The following RGS7 variants were observed in gnomAD, a reference collection of about 807,000 sequenced individuals.
RGS7 encodes the protein regulator of G protein signaling 7, also known as regulator of G-protein signaling 7.
In RGS7, 27 loss-of-function variants were observed where a neutral mutation model predicts 81.1. That is an observed-to-expected ratio of 0.33 (90% CI 0.25 to 0.46). The LOEUF (loss-of-function observed/expected upper bound fraction) is 0.46. Among genes scored for constraint, RGS7 ranks in the 20% least tolerant of loss-of-function variants. The pLI is 1.00. For missense variants in RGS7, 396 were observed against 607.4 expected, an observed-to-expected ratio of 0.65 and a Z score of 3.66; for synonymous variants, 208 against 207.7, an observed-to-expected ratio of 1.00 and a Z score of -0.01.
At chr1:240,888,302 A>T (rs1667714356) in intron 6 of RGS7, among the ~76,000 whole-genome samples, 1 of 152,202 alleles carries the variant, frequency 6.6e-6, no homozygotes, top group African/African-American at 2.4e-5. Flanking sequence ...AATTTCAAGA[A>T]TCCTAAAACA....
intron 4 of RGS7, among the ~76,000 whole-genome samples, chr1:240,940,106 A>G (rs1182915285): frequency 6.6e-6 from 1 of 152,032 alleles, no homozygotes. Context: ...TTAAATTAAG[A>G]AATAAACTTA....
chr1:241,208,918 T>C (rs1175518174), intron 2 of RGS7, among the ~76,000 whole-genome samples: 2 of 152,166 alleles, frequency 1.3e-5, no homozygotes, highest in Non-Finnish European at 2.9e-5. Context: ...ACAGCTTACC[T>C]AAGAGATGTC....
At chr1:240,869,913 C>T (rs1664174977) in intron 7 of RGS7, 142 bp downstream of exon 7, 12 of 791,018 alleles carry the variant, frequency 1.5e-5, no homozygotes, top group South Asian at 1.1e-4. Context: ...GCACTCTAGC[C>T]TGGGTGACAA....
chr1:240,850,177 T>C (rs1314329860), intron 9 of RGS7, among the ~76,000 whole-genome samples: 1 of 152,230 alleles, frequency 6.6e-6, no homozygotes, highest in African/African-American at 2.4e-5. Context: ...ACAAATATTG[T>C]GGGTTTTTGT....
intron 2 of RGS7, among the ~76,000 whole-genome samples, chr1:241,202,836 T>C (rs1573108224): frequency 6.6e-6 from 1 of 152,204 alleles, no homozygotes; most frequent in Non-Finnish European, 1.5e-5. Flanking sequence ...CTGGCTTCTA[T>C]GACCCGCCTT....
At chr1:241,080,497 T>C (rs2063072108) in intron 3 of RGS7, among the ~76,000 whole-genome samples, 1 of 152,162 alleles carries the variant, frequency 6.6e-6, no homozygotes, top group Non-Finnish European at 1.5e-5. Context: ...CGTAAGAAAA[T>C]GTCTAAATCT....
chr1:241,302,997 A>C lies in RGS7; in HGVS notation c.78+52702T>G, dbSNP rs150165584. ...TGCCACTCTTCCCACTCACGGACCC[A>C]TGACTTCATGAACGTGGCTTGAAAT... is the stretch of plus-strand genomic sequence containing the variant. On this transcript the variant is annotated intron_variant, in intron 2 of 18. Coordinates refer to ENST00000440928, the MANE Select transcript of RGS7 (RefSeq NM_001364886.1). Among the ~76,000 whole-genome samples, 64 of 146,416 alleles carry C rather than the reference A, an allele frequency of 4.4e-4. No individual in the cohort carries two copies. The East Asian group carries it at 0.012, about 27-fold the overall frequency.
intron 2 of RGS7, among the ~76,000 whole-genome samples, chr1:241,197,823 T>C (rs923695944): frequency 9.2e-6 from 1 of 108,270 alleles, no homozygotes; most frequent in Non-Finnish European, 2.0e-5. Context: ...AGTAAAGAGA[T>C]AAAAGACCAA....
chr1:241,262,645 T>G (rs1164180365), intron 2 of RGS7, among the ~76,000 whole-genome samples: 8 of 152,172 alleles, frequency 5.3e-5, no homozygotes, highest in Non-Finnish European at 1.2e-4. Flanking sequence ...AATTATAAAA[T>G]CGCAGAGTTT....
chr1:240,948,311 T>G (rs192541935), intron 4 of RGS7, among the ~76,000 whole-genome samples: 2 of 152,290 alleles, frequency 1.3e-5, no homozygotes, highest in East Asian at 1.9e-4. Flanking sequence ...ACTTAATTTC[T>G]GAGATATTGC....
At chr1:241,281,342 G>A (rs2078500712) in intron 2 of RGS7, among the ~76,000 whole-genome samples, 1 of 152,200 alleles carries the variant, frequency 6.6e-6, no homozygotes, top group Admixed American at 6.5e-5. Flanking sequence ...CTATTGTGGT[G>A]AGCTCAAGTG....
intron 18 of RGS7, among the ~76,000 whole-genome samples, chr1:240,782,839 G>A (rs983602742): frequency 5.9e-5 from 9 of 152,130 alleles, no homozygotes; most frequent in African/African-American, 9.7e-5. Flanking sequence ...AATTCTATGC[G>A]AATAATACTT....
At chr1:241,034,292 T>C (rs900104792) in intron 3 of RGS7, among the ~76,000 whole-genome samples, 5 of 152,362 alleles carry the variant, frequency 3.3e-5, no homozygotes, top group Non-Finnish European at 7.3e-5. Flanking sequence ...ACGCTTATAT[T>C]TTCCCAAATG....
intron 2 of RGS7, among the ~76,000 whole-genome samples, chr1:241,275,005 C>G (rs2078118149): frequency 6.6e-6 from 1 of 152,188 alleles, no homozygotes; most frequent in Admixed American, 6.5e-5. Flanking sequence ...TGAATAGCTA[C>G]TTGGTTTAAC....
At chr1:240,809,171 A>G (rs1689405247) in intron 14 of RGS7, among the ~76,000 whole-genome samples, 1 of 152,184 alleles carries the variant, frequency 6.6e-6, no homozygotes, top group African/African-American at 2.4e-5. Flanking sequence ...GCTCTATGCT[A>G]TGTGTTTTGC....
chr1:240,879,382 G>C (rs1443122219), intron 6 of RGS7, among the ~76,000 whole-genome samples: 1 of 152,152 alleles, frequency 6.6e-6, no homozygotes, highest in East Asian at 1.9e-4. Context: ...AAACGAGTCA[G>C]TGTGTCTTAC....
At chr1:240,948,418 G>A (rs965282781) in intron 4 of RGS7, among the ~76,000 whole-genome samples, 3 of 152,004 alleles carry the variant, frequency 2.0e-5, no homozygotes, top group Admixed American at 6.6e-5. Context: ...GCCAAAAGAC[G>A]CACATATTTT....
chr1:241,029,736 C>T (rs965772144), intron 3 of RGS7, among the ~76,000 whole-genome samples: 2 of 152,060 alleles, frequency 1.3e-5, no homozygotes, highest in Admixed American at 6.5e-5. Flanking sequence ...ACAGCTTGTC[C>T]CTAAACTCCC....
intron 2 of RGS7, among the ~76,000 whole-genome samples, chr1:241,220,999 GAGAGAGA>G (rs1558203388): frequency 0.013 from 870 of 64,740 alleles, 33 homozygotes; most frequent in Non-Finnish European, 0.019. Flanking sequence ...GGAAGGAAGA[GAGAGAGA>G]AAGGAAGGAA....
Sources: gnomAD v4.1 joint callset for allele counts (sites outside exome capture counted in the v4.1 genomes callset) on GRCh38, gnomAD v4.1.1 for gene constraint, MANE v1.5 for transcripts, NCBI Gene and HGNC (gene_info 2026-07-23, HGNC 2026-07-21) for gene names.